Variants in CLASP2 observed in about 807,000 individuals in gnomAD.
CLASP2 encodes cytoplasmic linker associated protein 2.
A neutral mutation model predicts 194.4 loss-of-function variants in CLASP2; 47 were observed. The observed-to-expected ratio is 0.24, with a 90% CI of 0.19 to 0.31. The LOEUF is 0.31. Among genes scored for constraint, CLASP2 ranks in the 10% least tolerant of loss-of-function variants. CLASP2 has a pLI of 1.00. For synonymous variants in CLASP2, 619 were observed against 633.5 expected (o/e 0.98, Z 0.34); for missense variants, 1,445 against 1,823.6 (o/e 0.79, Z 3.78).
intron 34 of CLASP2, among the ~76,000 whole-genome samples, chr3:33,528,517 T>C (rs531553574): frequency 6.6e-6 from 1 of 152,216 alleles, no homozygotes; most frequent in East Asian, 1.9e-4. Flanking sequence ...ATCCCAGCAT[T>C]TTGGGATGCC....
At chr3:33,502,551 T>C (rs183655271) in intron 37 of CLASP2, 4 of 152,370 alleles carry the variant, frequency 2.6e-5, no homozygotes, top group Non-Finnish European at 5.9e-5. Flanking sequence ...ACTGAAACTT[T>C]GTACCTTTTG....
chr3:33,599,731 C>T (rs983731076), intron 18 of CLASP2, among the ~76,000 whole-genome samples: 21 of 151,934 alleles, frequency 1.4e-4, no homozygotes, highest in African/African-American at 4.8e-4. Context: ...ATCAGTCTTA[C>T]GTGTGTAAGA....
chr3:33,499,763 T>C (rs909792888), intron 38 of CLASP2, among the ~76,000 whole-genome samples: 1 of 152,158 alleles, frequency 6.6e-6, no homozygotes, highest in African/African-American at 2.4e-5. Context: ...TTACACGATA[T>C]GCTGTTTTAC....
At chr3:33,566,701 T>C (rs548962054) in intron 27 of CLASP2, 31 bp downstream of exon 27, 7 of 450,334 alleles carry the variant, frequency 1.6e-5, no homozygotes, top group African/African-American at 1.0e-4. Flanking sequence ...GCAGTAAAGT[T>C]AGGTTTCCAA....
chr3:33,538,685 C>T (rs1474934020), intron 33 of CLASP2, 104 bp downstream of exon 33: 51 of 933,922 alleles, frequency 5.5e-5, no homozygotes, highest in Non-Finnish European at 7.2e-5. Flanking sequence ...AGTGACTGAT[C>T]CCTAGAAAAG....
intron 8 of CLASP2, 29 bp from the exon 9 acceptor site, chr3:33,632,400 A>G (rs2079251199): frequency 6.7e-7 from 1 of 1,486,648 alleles, no homozygotes; most frequent in Non-Finnish European, 9.2e-7. Context: ...TTAATTTCCT[A>G]AGGTTCATTT....
chr3:33,506,852 G>C (rs571277396), intron 37 of CLASP2, among the ~76,000 whole-genome samples: 50 of 151,482 alleles, frequency 3.3e-4, no homozygotes, highest in African/African-American at 1.2e-3. Flanking sequence ...ACAGTACCAT[G>C]TTGTCTTTAC....
chr3:33,642,677 A>G (rs1032583115), intron 8 of CLASP2, among the ~76,000 whole-genome samples: 3 of 151,940 alleles, frequency 2.0e-5, no homozygotes, highest in Non-Finnish European at 4.4e-5. Flanking sequence ...TTCTACAACC[A>G]ATTTAAAAAT....
At chr3:33,583,655 G>C (rs1162614756) in intron 22 of CLASP2, among the ~76,000 whole-genome samples, 1 of 152,024 alleles carries the variant, frequency 6.6e-6, no homozygotes, top group Admixed American at 6.5e-5. Context: ...GGAAGGTGAA[G>C]GAAAAAGTAT....
intron 36 of CLASP2, among the ~76,000 whole-genome samples, chr3:33,511,561 A>G (rs1051610188): frequency 6.6e-6 from 1 of 152,164 alleles, no homozygotes; most frequent in Non-Finnish European, 1.5e-5. Flanking sequence ...AAGTTAACAT[A>G]CTATTCCTCC....
intron 6 of CLASP2, among the ~76,000 whole-genome samples, chr3:33,666,095 A>C (rs1448454375): frequency 6.6e-6 from 1 of 152,194 alleles, no homozygotes; most frequent in African/African-American, 2.4e-5. Context: ...AACCCTAACC[A>C]AAGTCCAGAC....
intron 1 of CLASP2, among the ~76,000 whole-genome samples, chr3:33,698,166 C>G (rs918103947): frequency 2.0e-5 from 3 of 152,096 alleles, no homozygotes; most frequent in Admixed American, 6.6e-5. Context: ...TACCCTTGTC[C>G]CGTAAGAAAC....
chr3:33,617,009 C>T (rs1000242559), intron 12 of CLASP2, among the ~76,000 whole-genome samples: 2 of 150,274 alleles, frequency 1.3e-5, no homozygotes, highest in Non-Finnish European at 3.0e-5. Context: ...AGATTACACA[C>T]GTAAGCCACC....
intron 29 of CLASP2, among the ~76,000 whole-genome samples, chr3:33,557,817 T>C (rs2061218079): frequency 6.6e-6 from 1 of 151,998 alleles, no homozygotes; most frequent in East Asian, 1.9e-4. Flanking sequence ...TTATATTGAG[T>C]GTAAGTTGTG....
chr3:33,500,641 A>C (rs2154069670), intron 38 of CLASP2, among the ~76,000 whole-genome samples: 1 of 152,278 alleles, frequency 6.6e-6, no homozygotes, highest in Middle Eastern at 3.4e-3. Flanking sequence ...CTAAGTCTCG[A>C]GGTGGTTTAT....
chr3:33,618,636 G>A (rs2076611441), intron 12 of CLASP2, among the ~76,000 whole-genome samples: 1 of 151,952 alleles, frequency 6.6e-6, no homozygotes. Context: ...GACAGAGTGA[G>A]ACTCTATCTC....
chr3:33,526,900 AG>A (rs57562710), intron 34 of CLASP2, among the ~76,000 whole-genome samples: 13,636 of 152,268 alleles, frequency 0.09, 631 homozygotes, highest in Admixed American at 0.1. Context: ...AATGAAATTA[AG>A]GCAGAAATCA....
At chr3:33,548,767 T>C (rs952399979) in intron 30 of CLASP2, among the ~76,000 whole-genome samples, 5 of 141,780 alleles carry the variant, frequency 3.5e-5, no homozygotes, top group Admixed American at 2.1e-4. Context: ...TCATTTCTTT[T>C]TTTTTTTTTT....
intron 6 of CLASP2, among the ~76,000 whole-genome samples, chr3:33,666,613 A>T (rs769286405): frequency 6.6e-6 from 1 of 152,218 alleles, no homozygotes; most frequent in African/African-American, 2.4e-5. Context: ...AGTAATGGAC[A>T]TATGTAGATG....
Sources: gnomAD v4.1 joint callset for allele counts (sites outside exome capture counted in the v4.1 genomes callset) on GRCh38, gnomAD v4.1.1 for gene constraint, MANE v1.5 for transcripts, NCBI Gene and HGNC (gene_info 2026-07-23, HGNC 2026-07-21) for gene names.